Variants in IAPP observed in about 807,000 individuals in gnomAD.
IAPP encodes islet amyloid polypeptide.
A neutral mutation model predicts 2.9 loss-of-function variants in IAPP; 4 were observed. The ratio of observed to expected loss-of-function variants is 1.39; its 90% CI spans 0.69 to 3.19. The LOEUF (loss-of-function observed/expected upper bound fraction) is 3.19. Ranked by LOEUF, IAPP falls within the 30% of genes most tolerant of loss-of-function variation. The probability of loss-of-function intolerance (pLI) is 0.01; values close to 1 mark genes in which losing one functional copy is unlikely to be tolerated. For missense variants in IAPP, 114 were observed against 105.3 expected (o/e 1.08, Z -0.36); for synonymous variants, 40 against 42.1 (o/e 0.95, Z 0.19).
chr12:21,364,930 G>A (rs1039180788), intron 1 of IAPP, among the ~76,000 whole-genome samples: 6 of 152,238 alleles, frequency 3.9e-5, no homozygotes, highest in East Asian at 1.9e-4. Flanking sequence ...TTTCATGCTC[G>A]TGGATAGGAA....
upstream of IAPP, among the ~76,000 whole-genome samples, chr12:21,372,316 CTAATTT>C (rs1939860009): frequency 6.6e-6 from 1 of 152,088 alleles, no homozygotes; most frequent in Non-Finnish European, 1.5e-5. Context: ...TTTGTTCATT[CTAATTT>C]TGTTTTGTTC....
rs752272731 is a variant in IAPP at position 21,378,194 on chromosome 12, A to G, written c.81-43A>G. ...ATGTCACATGGCTGGATCCAGCTAA[A>G]ATTCTAAGGCTCTAACTTTTCACAT... On this transcript the variant is annotated intron_variant, in intron 2 of 2. Coordinates refer to ENST00000240652, the MANE Select transcript of IAPP (RefSeq NM_000415.3). 21 of 1,581,502 alleles carry G rather than the reference A, an allele frequency of 1.3e-5. No homozygotes were observed. The Admixed American group carries it at 3.0e-4, about 23-fold the overall frequency.
At chr12:21,365,574 G>A (rs1467099784) in intron 1 of IAPP, among the ~76,000 whole-genome samples, 1 of 152,148 alleles carries the variant, frequency 6.6e-6, no homozygotes, top group Non-Finnish European at 1.5e-5. Flanking sequence ...AAGAGCTTCT[G>A]CACATCAAAA....
chr12:21,371,774 G>A (rs1939810228), upstream of IAPP, among the ~76,000 whole-genome samples: 1 of 152,060 alleles, frequency 6.6e-6, no homozygotes, highest in African/African-American at 2.4e-5. Flanking sequence ...AGGCAGAAGT[G>A]GGCGGATCAC....
upstream of IAPP, chr12:21,372,770 G>A (rs11836625): frequency 0.036 from 5,679 of 155,632 alleles, 132 homozygotes; most frequent in Middle Eastern, 0.069. Flanking sequence ...TGACCCATCC[G>A]CTTCTGCTGC....
intron 1 of IAPP, among the ~76,000 whole-genome samples, chr12:21,357,507 G>A (rs1277758852): frequency 6.6e-6 from 1 of 152,178 alleles, no homozygotes; most frequent in Non-Finnish European, 1.5e-5. Flanking sequence ...GCCACATGGT[G>A]TTGCAGCACT....
chr12:21,377,590 C>T (rs1202210560), intron 2 of IAPP, among the ~76,000 whole-genome samples: 1 of 152,104 alleles, frequency 6.6e-6, no homozygotes, highest in Admixed American at 6.6e-5. Flanking sequence ...CCCTGATAAC[C>T]ACCATTCCAC....
intron 1 of IAPP, among the ~76,000 whole-genome samples, chr12:21,356,817 A>G (rs10770800): frequency 0.094 from 14,282 of 152,184 alleles, 1,065 homozygotes; most frequent in East Asian, 0.4. Flanking sequence ...TAAGACTTAA[A>G]TTACATTTTT....
chr12:21,364,490 G>C (rs576850141), intron 1 of IAPP, among the ~76,000 whole-genome samples: 1 of 152,294 alleles, frequency 6.6e-6, no homozygotes, highest in African/African-American at 2.4e-5. Context: ...ATGGGCACAA[G>C]ATAGGGATGC....
intron 1 of IAPP, among the ~76,000 whole-genome samples, chr12:21,367,183 T>C (rs1347807035): frequency 6.6e-6 from 1 of 152,164 alleles, no homozygotes. Context: ...TACAATGAAA[T>C]AATGCCTTTA....
intron 1 of IAPP, among the ~76,000 whole-genome samples, chr12:21,357,239 G>C (rs893368375): frequency 2.0e-5 from 3 of 152,086 alleles, no homozygotes; most frequent in East Asian, 1.9e-4. Flanking sequence ...GATACTTTGA[G>C]ACCCTAGTAT....
chr12:21,363,846 G>C (rs1939144559), intron 1 of IAPP, among the ~76,000 whole-genome samples: 1 of 152,110 alleles, frequency 6.6e-6, no homozygotes, highest in African/African-American at 2.4e-5. Context: ...GACTAAACCA[G>C]GAAGAAGCTG....
intron 1 of IAPP, among the ~76,000 whole-genome samples, chr12:21,362,225 A>G (rs1311235893): frequency 2.0e-5 from 3 of 152,328 alleles, no homozygotes; most frequent in East Asian, 1.9e-4. Flanking sequence ...ACAAGCCAGT[A>G]GAGAGTGGGG....
chr12:21,374,480 G>T (rs1433384042), intron 2 of IAPP: 1 of 152,140 alleles, frequency 6.6e-6, no homozygotes, highest in Non-Finnish European at 1.5e-5. Context: ...CTTCGAGGTA[G>T]TTTTTCTTGG....
chr12:21,373,105 T>A (rs1250481640), intron 1 of IAPP, 101 bp downstream of exon 1: 1 of 532,838 alleles, frequency 1.9e-6, no homozygotes, highest in South Asian at 2.2e-5. Context: ...AAAGGGAGAA[T>A]GTATTACAAT....
intron 1 of IAPP, among the ~76,000 whole-genome samples, chr12:21,355,625 G>A (rs1228005057): frequency 6.6e-6 from 1 of 152,158 alleles, no homozygotes; most frequent in Non-Finnish European, 1.5e-5. Context: ...ATTCTGTATA[G>A]TGGCAATGCA....
intron 1 of IAPP, among the ~76,000 whole-genome samples, chr12:21,361,217 G>C (rs1201226804): frequency 6.6e-6 from 1 of 152,170 alleles, no homozygotes; most frequent in Admixed American, 6.5e-5. Flanking sequence ...AGCAACATCT[G>C]CTGTTCTGCA....
intron 1 of IAPP, among the ~76,000 whole-genome samples, chr12:21,364,012 A>G (rs1939161708): frequency 1.3e-5 from 2 of 152,348 alleles, no homozygotes; most frequent in East Asian, 1.9e-4. Flanking sequence ...ATTCCAATCA[A>G]TAGAAAAAGA....
chr12:21,378,157 A>G (rs1218340303), intron 2 of IAPP, 80 bp from the exon 3 acceptor site: 19 of 1,285,170 alleles, frequency 1.5e-5, no homozygotes, highest in Non-Finnish European at 2.0e-5. Context: ...TTTCATCAAT[A>G]CAAGATATTT....
Sources: allele counts gnomAD v4.1 joint callset (sites outside exome capture counted in the v4.1 genomes callset), GRCh38; gene constraint gnomAD v4.1.1; transcripts MANE v1.5; gene names NCBI Gene and HGNC (gene_info 2026-07-23, HGNC 2026-07-21).